The following TENM1 variants were observed in gnomAD, a reference collection of about 807,000 sequenced individuals.
The protein encoded by TENM1 is teneurin transmembrane protein 1.
TENM1 carries 35 observed loss-of-function variants against 174.8 expected under a neutral mutation model. The observed-to-expected ratio is 0.20, with a 90% CI of 0.15 to 0.27. The LOEUF (loss-of-function observed/expected upper bound fraction) is 0.27, where lower values mean the gene tolerates loss of function less well. Among genes scored for constraint, TENM1 ranks in the 10% least tolerant of loss-of-function variants. The probability of loss-of-function intolerance (pLI) is 1.00; values close to 1 mark genes in which losing one functional copy is unlikely to be tolerated. For synonymous variants in TENM1, 781 were observed against 798.7 expected (o/e 0.98, Z 0.37); for missense variants, 1,633 against 2,130.1 (o/e 0.77, Z 4.59).
chrX:124,870,897 G>T (rs2057097341), intron 3 of TENM1, among the ~76,000 whole-genome samples: 1 of 111,054 alleles, frequency 9.0e-6, no homozygotes, highest in Non-Finnish European at 1.9e-5. Flanking sequence ...ATGTTTATGG[G>T]GTAGTGTGAT....
intron 11 of TENM1, among the ~76,000 whole-genome samples, chrX:124,581,383 T>A (rs2049305886): frequency 9.0e-6 from 1 of 111,376 alleles, no homozygotes; most frequent in Non-Finnish European, 1.9e-5. Context: ...TCTTTTTTTA[T>A]GGCTACATAG....
At chrX:124,998,486 A>C in the TENM1 span, among the ~76,000 whole-genome samples, 6 of 110,681 alleles carry the variant, frequency 5.4e-5, no homozygotes, top group East Asian at 1.4e-3. Flanking sequence ...CTAAAAAAAA[A>C]AAAACAATGA....
At position 124,708,252 on chromosome X, in the gene TENM1, TA is replaced by T. The variant is rs774540300; in HGVS notation, c.777-3002del. Among the ~76,000 whole-genome samples the T allele has an allele frequency of 4.3e-3, 483 of 111,793 alleles. 2 individuals are homozygous for T. The highest frequency in any genetic ancestry group is 0.015 in the African/African-American group (472 of 30,785). ...CAAAAGCATATGTATTTAAAGGGAT[TA>T]AAAAAACCCTATATGAATGTTAATG... On this transcript the variant is annotated intron_variant, in intron 4 of 31. Transcript: ENST00000422452.
At chrX:124,909,090 C>T (rs1447342302) in intron 1 of TENM1, among the ~76,000 whole-genome samples, 2 of 112,058 alleles carry the variant, frequency 1.8e-5, no homozygotes, top group Non-Finnish European at 3.8e-5. Flanking sequence ...AACTCCTGAC[C>T]TCAGGTGATA....
intron 3 of TENM1, among the ~76,000 whole-genome samples, chrX:124,790,550 G>A (rs972458765): frequency 9.8e-5 from 11 of 111,836 alleles, no homozygotes; most frequent in Non-Finnish European, 1.5e-4. Context: ...TCCAAGAGCC[G>A]TGAGGAGTAC....
intron 4 of TENM1, among the ~76,000 whole-genome samples, chrX:124,726,691 T>C (rs989486356): frequency 8.9e-6 from 1 of 112,325 alleles, no homozygotes; most frequent in Non-Finnish European, 1.9e-5. Context: ...CCAGTCATTA[T>C]TGAAGGAAAA....
chrX:124,979,170 C>A, the TENM1 span, among the ~76,000 whole-genome samples: 1,530 of 112,880 alleles, frequency 0.014, 25 homozygotes, highest in African/African-American at 0.047. Flanking sequence ...CATGAGCAGT[C>A]CCAGGCCTAA....
intron 3 of TENM1, among the ~76,000 whole-genome samples, chrX:124,757,802 C>G (rs1026515075): frequency 3.6e-5 from 4 of 112,345 alleles, no homozygotes; most frequent in African/African-American, 6.5e-5. Context: ...ATTTGGGGAA[C>G]TTCTTACACG....
At chrX:124,653,496 A>T in intron 7 of TENM1, 88 bp downstream of exon 10, 1 of 729,993 alleles carries the variant, frequency 1.4e-6, no homozygotes, top group East Asian at 3.2e-5. Flanking sequence ...ACCTTTGACA[A>T]CCACATATTT....
intron 3 of TENM1, among the ~76,000 whole-genome samples, chrX:124,748,261 C>T (rs1644763139): frequency 9.0e-6 from 1 of 110,764 alleles, no homozygotes; most frequent in African/African-American, 3.3e-5. Flanking sequence ...TAGATGTTTC[C>T]CATTCTGGGT....
the TENM1 span, among the ~76,000 whole-genome samples, chrX:125,045,426 T>C: frequency 8.9e-6 from 1 of 111,837 alleles, no homozygotes; most frequent in Non-Finnish European, 1.9e-5. Flanking sequence ...AAGCTATATA[T>C]AGTGGTCTCT....
intron 11 of TENM1, among the ~76,000 whole-genome samples, chrX:124,588,022 C>A (rs181538529): frequency 3.6e-4 from 40 of 111,713 alleles, no homozygotes; most frequent in Middle Eastern, 4.6e-3. Flanking sequence ...ATGGCAATCA[C>A]TAAAAAGTCA....
intron 23 of TENM1, among the ~76,000 whole-genome samples, chrX:124,423,594 G>A (rs1369635684): frequency 9.0e-6 from 1 of 111,118 alleles, no homozygotes; most frequent in East Asian, 2.8e-4. Flanking sequence ...CCCAGAGCAG[G>A]TGGTACCTAA....
chrX:124,731,164 CT>C (rs1418694262), intron 4 of TENM1, among the ~76,000 whole-genome samples: 1 of 111,063 alleles, frequency 9.0e-6, no homozygotes, highest in Non-Finnish European at 1.9e-5. Flanking sequence ...GAGAAAAAAA[CT>C]GCTAAAGATG....
intron 5 of TENM1, 143 bp downstream of exon 8, chrX:124,704,870 A>G (rs2052859219): frequency 4.3e-5 from 20 of 461,480 alleles, no homozygotes. Context: ...AAAAAAAAAA[A>G]GAAGAAAATC....
chrX:124,984,666 T>C, the TENM1 span, among the ~76,000 whole-genome samples: 1 of 111,661 alleles, frequency 9.0e-6, no homozygotes, highest in Non-Finnish European at 1.9e-5. Flanking sequence ...GGATTTAACA[T>C]TAAGTGAAGA....
At chrX:124,468,712 C>T (rs753296725) in intron 22 of TENM1, among the ~76,000 whole-genome samples, 1 of 111,717 alleles carries the variant, frequency 9.0e-6, no homozygotes, top group East Asian at 2.8e-4. Context: ...ACAGTGATGG[C>T]TAAACAATAA....
intron 25 of TENM1, among the ~76,000 whole-genome samples, chrX:124,413,473 A>G (rs1388178724): frequency 8.9e-6 from 1 of 111,927 alleles, no homozygotes; most frequent in Non-Finnish European, 1.9e-5. Flanking sequence ...CAATGTGGTT[A>G]CAGAACAGAC....
intron 11 of TENM1, among the ~76,000 whole-genome samples, chrX:124,580,455 T>C (rs1047580284): frequency 1.8e-5 from 2 of 109,968 alleles, no homozygotes; most frequent in African/African-American, 6.6e-5. Context: ...GATATACATG[T>C]ATATATGTAT....
Sources: gnomAD v4.1 joint callset for allele counts (sites outside exome capture counted in the v4.1 genomes callset) on GRCh38, gnomAD v4.1.1 for gene constraint, MANE v1.5 for transcripts, NCBI Gene and HGNC (gene_info 2026-07-23, HGNC 2026-07-21) for gene names.